The following EML6 variants were observed in gnomAD, a reference collection of about 807,000 sequenced individuals.
EML6 encodes echinoderm microtubule-associated protein-like 6.
Under a neutral mutation model 240.1 loss-of-function variants are expected in EML6, and 154 were observed. The ratio of observed to expected loss-of-function variants is 0.64; its 90% CI spans 0.56 to 0.73. The LOEUF (loss-of-function observed/expected upper bound fraction) is 0.73, where lower values mean the gene tolerates loss of function less well. Among genes scored for constraint, EML6 ranks in the 30% least tolerant of loss-of-function variants. EML6 has a pLI of 0.00. For synonymous variants in EML6, 1,148 were observed against 899.0 expected (o/e 1.28, Z -4.95); for missense variants, 2,964 against 2,474.6 (o/e 1.20, Z -4.20).
intron 38 of EML6, 40 bp downstream of exon 38, chr2:54,964,773 T>C: frequency 1.3e-6 from 2 of 1,538,070 alleles, no homozygotes; most frequent in Non-Finnish European, 1.8e-6. Flanking sequence ...CAACCAATAA[T>C]AACAGCAGTA....
At chr2:54,750,697 G>A (rs1399310980) in intron 2 of EML6, among the ~76,000 whole-genome samples, 2 of 152,138 alleles carry the variant, frequency 1.3e-5, no homozygotes, top group Non-Finnish European at 2.9e-5. Flanking sequence ...CAATGGTCAT[G>A]GGTGGCTTCT....
intron 26 of EML6, among the ~76,000 whole-genome samples, chr2:54,922,404 G>T (rs553033319): frequency 2.6e-5 from 4 of 152,278 alleles, no homozygotes; most frequent in African/African-American, 9.6e-5. Context: ...GTTGGTGAGG[G>T]TGTAAAGGAA....
chr2:54,758,729 G>T (rs1667847137), intron 2 of EML6, among the ~76,000 whole-genome samples: 1 of 152,138 alleles, frequency 6.6e-6, no homozygotes, highest in Admixed American at 6.5e-5. Flanking sequence ...CCCAAACCAG[G>T]TGTCAGTAAA....
intron 28 of EML6, among the ~76,000 whole-genome samples, chr2:54,944,761 A>G (rs1675594547): frequency 6.6e-6 from 1 of 151,998 alleles, no homozygotes; most frequent in African/African-American, 2.4e-5. Context: ...TCACCCCATC[A>G]CTAAGTATCT....
intron 24 of EML6, among the ~76,000 whole-genome samples, chr2:54,907,659 A>G (rs1673393270): frequency 6.6e-6 from 1 of 152,182 alleles, no homozygotes; most frequent in South Asian, 2.1e-4. Flanking sequence ...ATGTATGTGG[A>G]TCACTTTGTG....
chr2:54,951,394 A>T (rs775622954), intron 30 of EML6, among the ~76,000 whole-genome samples: 3 of 152,078 alleles, frequency 2.0e-5, no homozygotes, highest in Non-Finnish European at 4.4e-5. Context: ...TTAGCCAGGC[A>T]TGGTGGCAGG....
At chr2:54,902,861 T>A (rs1481156576) in intron 22 of EML6, among the ~76,000 whole-genome samples, 183 bp from the exon 23 acceptor site, 2 of 152,224 alleles carry the variant, frequency 1.3e-5, no homozygotes, top group Admixed American at 6.5e-5. Context: ...AGGCATGAGC[T>A]GCTGCGCCCA....
rs1014984163 is a variant in EML6, at chr2:54,967,035, G to C, written c.5529G>C (p.Glu1843Asp). ...STGAYKRQVHEVPLGKQVTEA... is the reference protein window; with the variant it reads ...STGAYKRQVHDVPLGKQVTEA... ...GTGCCTATAAGCGCCAGGTGCATGA[G>C]GTCCCCCTGGGGAAGCAGGTAACTG... is the stretch of plus-strand genomic sequence containing the variant. Residue 1843 changes from glutamate (E) to aspartate (D), a missense_variant, in exon 39 of 42, where the codon GAG becomes GAC. Coordinates refer to ENST00000356458, the MANE Select transcript of EML6 (RefSeq NM_001039753.4). 11 of 1,551,286 alleles carry C rather than the reference G, an allele frequency of 7.1e-6. No individual in the cohort carries two copies. Among genetic ancestry groups the C allele is most frequent in the Non-Finnish European group, 9.6e-6 (11 of 1,146,804 alleles).
chr2:54,875,077 C>T (rs1232462936), intron 16 of EML6, among the ~76,000 whole-genome samples: 1 of 152,168 alleles, frequency 6.6e-6, no homozygotes, highest in African/African-American at 2.4e-5. Flanking sequence ...ACTCAGTGTG[C>T]AGGCTCACTT....
intron 2 of EML6, among the ~76,000 whole-genome samples, chr2:54,806,589 G>A (rs1373079488): frequency 2.6e-5 from 3 of 114,806 alleles, no homozygotes; most frequent in African/African-American, 1.0e-4. Context: ...CTCCAGCCTG[G>A]GCAACAAGAG....
intron 26 of EML6, among the ~76,000 whole-genome samples, chr2:54,921,261 A>C (rs953304128): frequency 2.6e-5 from 4 of 152,156 alleles, no homozygotes; most frequent in Non-Finnish European, 4.4e-5. Flanking sequence ...GTAAAGTTGT[A>C]GGATACAAAG....
At chr2:54,844,712 A>G (rs1261209948) in intron 8 of EML6, among the ~76,000 whole-genome samples, 1 of 152,198 alleles carries the variant, frequency 6.6e-6, no homozygotes, top group Non-Finnish European at 1.5e-5. Context: ...AAAGTCTCAG[A>G]TGAAATTTTG....
intron 6 of EML6, among the ~76,000 whole-genome samples, chr2:54,828,474 G>A (rs1034449569): frequency 6.6e-6 from 1 of 152,228 alleles, no homozygotes; most frequent in African/African-American, 2.4e-5. Context: ...GGGTAAAGAT[G>A]TTATTGGAAA....
At chr2:54,856,413 C>T (rs1261936307) in intron 11 of EML6, among the ~76,000 whole-genome samples, 2 of 152,222 alleles carry the variant, frequency 1.3e-5, no homozygotes, top group Non-Finnish European at 1.5e-5. Context: ...CTTTGCATTA[C>T]ACCTCAGCAA....
intron 5 of EML6, among the ~76,000 whole-genome samples, chr2:54,823,126 A>T (rs1158319204): frequency 6.6e-6 from 1 of 152,352 alleles, no homozygotes; most frequent in Admixed American, 6.5e-5. Context: ...GCCACTTTCA[A>T]TTTGCTTGAA....
chr2:54,951,563 T>TA (rs1419438073), intron 30 of EML6, among the ~76,000 whole-genome samples: 1 of 141,540 alleles, frequency 7.1e-6, no homozygotes, highest in African/African-American at 2.5e-5. Flanking sequence ...AAAAAAAAAA[T>TA]ACTCAAACCA....
intron 24 of EML6, among the ~76,000 whole-genome samples, chr2:54,904,603 CA>C (rs1673221655): frequency 6.6e-6 from 1 of 152,036 alleles, no homozygotes; most frequent in Non-Finnish European, 1.5e-5. Context: ...TGGGAAGAAC[CA>C]GGGGGTGATG....
At chr2:54,820,336 G>T in intron 4 of EML6, 58 bp from the exon 5 acceptor site, 1 of 1,144,372 alleles carries the variant, frequency 8.7e-7, no homozygotes, top group South Asian at 1.4e-5. Flanking sequence ...GACTAGTATT[G>T]GGAAAAGGCA....
chr2:54,959,648 A>G (rs924023810), intron 34 of EML6, among the ~76,000 whole-genome samples: 2 of 152,150 alleles, frequency 1.3e-5, no homozygotes, highest in African/African-American at 4.8e-5. Context: ...TGTAATACCA[A>G]CTACTAGGGA....
Sources: gnomAD v4.1 joint callset for allele counts (sites outside exome capture counted in the v4.1 genomes callset) on GRCh38, gnomAD v4.1.1 for gene constraint, MANE v1.5 for transcripts, NCBI Gene and HGNC (gene_info 2026-07-23, HGNC 2026-07-21) for gene names.